FSHR: variants seen among roughly 807,000 people sequenced by gnomAD.
FSHR encodes the protein follicle-stimulating hormone receptor.
FSHR carries 46 observed loss-of-function variants against 52.1 expected under a neutral mutation model. The observed-to-expected ratio is 0.88, with a 90% CI of 0.70 to 1.13. The LOEUF is 1.13. Among genes scored for constraint, FSHR ranks in the 50% most tolerant of loss-of-function variants. FSHR has a pLI of 0.00. For missense variants in FSHR, 964 were observed against 834.6 expected (o/e 1.16, Z -1.91); for synonymous variants, 399 against 309.6 (o/e 1.29, Z -3.03).
At chr2:49,116,063 C>A (rs1671586107) in intron 1 of FSHR, among the ~76,000 whole-genome samples, 2 of 152,078 alleles carry the variant, frequency 1.3e-5, no homozygotes, top group African/African-American at 2.4e-5. Flanking sequence ...AGCAAACCTG[C>A]AAGTAAGCAA....
chr2:49,053,414 G>A (rs970674727), intron 2 of FSHR, among the ~76,000 whole-genome samples: 1 of 151,978 alleles, frequency 6.6e-6, no homozygotes, highest in Admixed American at 6.6e-5. Context: ...TCACCACATT[G>A]TCACCTACTC....
intron 4 of FSHR, among the ~76,000 whole-genome samples, chr2:48,993,542 C>T (rs1031167956): frequency 6.6e-6 from 1 of 152,100 alleles, no homozygotes; most frequent in African/African-American, 2.4e-5. Flanking sequence ...GCAATATTAT[C>T]CTCCTCTTCT....
At chr2:49,072,217 G>A (rs1258173491) in intron 1 of FSHR, among the ~76,000 whole-genome samples, 1 of 151,696 alleles carries the variant, frequency 6.6e-6, no homozygotes, top group Non-Finnish European at 1.5e-5. Flanking sequence ...AAAACCAAAA[G>A]CAAAGCAAAC....
intron 2 of FSHR, among the ~76,000 whole-genome samples, chr2:49,049,570 C>T (rs188229871): frequency 6.6e-6 from 1 of 152,022 alleles, no homozygotes; most frequent in Non-Finnish European, 1.5e-5. Context: ...CTCTACCAAG[C>T]AAGGGAGCAT....
At chr2:49,062,089 T>A (rs940528814) in intron 2 of FSHR, among the ~76,000 whole-genome samples, 6 of 151,754 alleles carry the variant, frequency 4.0e-5, no homozygotes, top group Admixed American at 4.0e-4. Flanking sequence ...GAACGTTTCA[T>A]CCAACAGCTG....
intron 1 of FSHR, among the ~76,000 whole-genome samples, chr2:49,143,850 C>T (rs1021133413): frequency 6.6e-6 from 1 of 152,096 alleles, no homozygotes; most frequent in Admixed American, 6.6e-5. Context: ...ACTGCACCAT[C>T]CCTAAAACAC....
At chr2:49,087,993 T>C (rs1205490663) in intron 1 of FSHR, among the ~76,000 whole-genome samples, 2 of 152,332 alleles carry the variant, frequency 1.3e-5, no homozygotes, top group African/African-American at 4.8e-5. Flanking sequence ...AAATATTTCA[T>C]TTGCAGTATC....
intron 1 of FSHR, among the ~76,000 whole-genome samples, chr2:49,081,592 C>A (rs920601012): frequency 6.6e-6 from 1 of 152,074 alleles, no homozygotes; most frequent in Non-Finnish European, 1.5e-5. Context: ...CAGATAGTAC[C>A]TTTACCTCCC....
At chr2:49,096,563 A>G (rs1670828197) in intron 1 of FSHR, among the ~76,000 whole-genome samples, 1 of 152,236 alleles carries the variant, frequency 6.6e-6, no homozygotes, top group Non-Finnish European at 1.5e-5. Context: ...CAAATGCACT[A>G]AGAATCACTT....
At position 48,990,529 on chromosome 2, in the gene FSHR, A is replaced by T. The variant is rs371082462; in HGVS notation, c.446+37T>A. The stretch of plus-strand genomic sequence containing the variant: ...TAGCCGTTGGGCAAGACAGATACTG[A>T]GTAAAGAGTTGGTAGTCACTCAAGG... On this transcript the variant is annotated intron_variant, in intron 5 of 9. Coordinates refer to ENST00000406846, the MANE Select transcript of FSHR (RefSeq NM_000145.4). 2.4e-5 allele frequency: 31 copies of T among 1,309,626 alleles called. No individual in the cohort carries two copies. In the African/African-American group the frequency reaches 3.8e-4, roughly 16 times the overall value. 81.1% of individuals were successfully genotyped at this position (1,309,626 alleles called of 1,614,324 possible). A position where few individuals can be genotyped will look rare whatever the true frequency, so the allele number is the denominator to read the frequency against.
At chr2:49,082,603 A>C (rs1308723748) in intron 1 of FSHR, among the ~76,000 whole-genome samples, 1 of 152,168 alleles carries the variant, frequency 6.6e-6, no homozygotes, top group African/African-American at 2.4e-5. Context: ...TTTGAAAAAA[A>C]TTTAGAAGAA....
chr2:49,140,327 C>G (rs922253180), intron 1 of FSHR, among the ~76,000 whole-genome samples: 1 of 151,926 alleles, frequency 6.6e-6, no homozygotes, highest in African/African-American at 2.4e-5. Context: ...CCCACCCATT[C>G]TCTCTCTTGC....
intron 9 of FSHR, 53 bp from the exon 10 acceptor site, chr2:48,964,019 A>G: frequency 1.3e-6 from 2 of 1,547,126 alleles, no homozygotes; most frequent in African/African-American, 2.7e-5. Flanking sequence ...AGTATAGCAA[A>G]TACATCACTG....
intron 5 of FSHR, among the ~76,000 whole-genome samples, 173 bp downstream of exon 5, chr2:48,990,393 A>G (rs757869774): frequency 6.6e-6 from 1 of 152,168 alleles, no homozygotes; most frequent in Non-Finnish European, 1.5e-5. Context: ...ACTAATATTG[A>G]CTGGCCTGCA....
chr2:49,030,055 A>G (rs1668045737), intron 2 of FSHR, among the ~76,000 whole-genome samples: 1 of 152,152 alleles, frequency 6.6e-6, no homozygotes, highest in Admixed American at 6.5e-5. Context: ...CCTATCAGGG[A>G]GTAGCAGCAG....
intron 4 of FSHR, among the ~76,000 whole-genome samples, chr2:49,011,399 T>A (rs1573089780): frequency 6.6e-6 from 1 of 152,194 alleles, no homozygotes; most frequent in Admixed American, 6.5e-5. Context: ...AGAGATAGTT[T>A]GTTATAATTT....
intron 2 of FSHR, among the ~76,000 whole-genome samples, chr2:49,061,630 A>ATATC (rs1669295757): frequency 2.1e-5 from 3 of 144,184 alleles, no homozygotes; most frequent in Admixed American, 7.0e-5. Context: ...AAAAATACAT[A>ATATC]TATCTATAAT....
rs142515038 is a variant in FSHR, at chr2:49,014,322, G to T, written c.374+3167C>A. Among the ~76,000 whole-genome samples the T allele has an allele frequency of 1.2e-4, 19 of 152,216 alleles. No individual in the cohort carries two copies. In the East Asian group the frequency reaches 3.7e-3, roughly 29 times the overall value. On this transcript the variant is annotated intron_variant, in intron 4 of 9. Transcript: ENST00000406846. ...TCAGAAAAAGATGTGTCTGGAATTG[G>T]TCACCTCCAGCTTTTTGTGAACTTG...
At chr2:48,992,432 A>G (rs1173758673) in intron 4 of FSHR, among the ~76,000 whole-genome samples, 1 of 152,164 alleles carries the variant, frequency 6.6e-6, no homozygotes. Context: ...ATCATCCATG[A>G]TGTCCCCCAC....
Sources: allele counts gnomAD v4.1 joint callset (sites outside exome capture counted in the v4.1 genomes callset), GRCh38; gene constraint gnomAD v4.1.1; transcripts MANE v1.5; gene names NCBI Gene and HGNC (gene_info 2026-07-23, HGNC 2026-07-21).